The following HNRNPA1L2 variants were observed in gnomAD, a reference collection of about 807,000 sequenced individuals.
HNRNPA1L2 encodes the protein heterogeneous nuclear ribonucleoprotein A1 like 2.
HNRNPA1L2 carries 10 observed loss-of-function variants against 18.2 expected under a neutral mutation model. That is an observed-to-expected ratio of 0.55 (90% CI 0.34 to 0.93). HNRNPA1L2 has a LOEUF of 0.93. HNRNPA1L2 is among the 40% of genes least tolerant of loss of function. HNRNPA1L2 has a pLI of 0.02. For missense variants in HNRNPA1L2, 308 were observed against 394.4 expected (o/e 0.78, Z 1.85); for synonymous variants, 124 against 138.6 (o/e 0.89, Z 0.74).
chr13:52,631,885 ATGAT>A, the HNRNPA1L2 span, among the ~76,000 whole-genome samples: 4 of 152,234 alleles, frequency 2.6e-5, no homozygotes, highest in Non-Finnish European at 4.4e-5. Flanking sequence ...ATTTTACAGA[ATGAT>A]TGCTTTATGA....
the HNRNPA1L2 span, among the ~76,000 whole-genome samples, chr13:52,629,571 A>G: frequency 6.6e-6 from 1 of 152,202 alleles, no homozygotes; most frequent in Non-Finnish European, 1.5e-5. Context: ...TATACCTTAA[A>G]TCAAAATAGG....
At chr13:52,641,867 A>T (rs1961668205), upstream of HNRNPA1L2, 1 of 152,156 alleles carries the variant, frequency 6.6e-6, no homozygotes, top group Non-Finnish European at 1.5e-5. Context: ...TTATTAAATA[A>T]TACAAAACAA....
At position 52,642,817 on chromosome 13, in the gene HNRNPA1L2, G is replaced by A. The variant is rs185858801; in HGVS notation, c.325G>A (p.Val109Ile). 3.1e-4 allele frequency: 488 copies of A among 1,596,254 alleles called. 4 individuals carry two copies. In the African/African-American group the frequency reaches 5.4e-3, roughly 18 times the overall value. ...GAHLTVKKIF[V>I]GGIKEDTEEH... ...CCACTTAACTGTGAAAAAGATATTT[G>A]TTGGTGGCATTAAAGAAGACACTGA... Residue 109 changes from valine (V) to isoleucine (I), a missense_variant, in exon 1 of 1, where the codon GTT becomes ATT. Physicochemically the swap from Val to Ile is conservative, Grantham distance 29 (BLOSUM62 3). Transcript: ENST00000357495.
At chr13:52,631,044 T>C in the HNRNPA1L2 span, among the ~76,000 whole-genome samples, 1 of 152,164 alleles carries the variant, frequency 6.6e-6, no homozygotes, top group African/African-American at 2.4e-5. Context: ...GTGCCTTCAG[T>C]GTGTTAAAAA....
At chr13:52,617,604 G>A in the HNRNPA1L2 span, 1 of 471,796 alleles carries the variant, frequency 2.1e-6, no homozygotes. Flanking sequence ...ACCCTTTCCT[G>A]CCACCCTTTG....
rs1206426202 is a variant in HNRNPA1L2 at position 52,643,408 on chromosome 13, G to A, written c.916G>A (p.Gly306Ser). The A allele has an allele frequency of 6.3e-7, 1 of 1,598,676 alleles. No individual in the cohort carries two copies. The highest frequency in any genetic ancestry group is 1.7e-5 in the Admixed American group (1 of 60,024). The change falls in exon 1 of 1, where the codon GGC becomes AGC. Residue 306 changes from glycine to serine, a missense_variant. Physicochemically the swap from Gly to Ser is moderately conservative, Grantham distance 56. Transcript: ENST00000357495. ...AAAACCACAAAACCAAGGTGGCTAT[G>A]GCGTTTCCAGCAGCAGCAGTAGCTA... is the stretch of plus-strand genomic sequence containing the variant. Reference protein sequence around the residue: ...FAKPQNQGGYGVSSSSSSYGS... With the variant: ...FAKPQNQGGYSVSSSSSSYGS...
the HNRNPA1L2 span, among the ~76,000 whole-genome samples, chr13:52,636,219 A>G: frequency 6.6e-6 from 1 of 152,208 alleles, no homozygotes; most frequent in African/African-American, 2.4e-5. Flanking sequence ...GGCTATTACA[A>G]AGAAAGCTGC....
chr13:52,625,079 AG>A, the HNRNPA1L2 span, among the ~76,000 whole-genome samples: 13 of 152,090 alleles, frequency 8.5e-5, no homozygotes, highest in African/African-American at 3.1e-4. Context: ...TTCATGAAAT[AG>A]TTTTAATTAC....
chr13:52,635,159 ATGTGGT>A, the HNRNPA1L2 span, among the ~76,000 whole-genome samples: 2 of 152,220 alleles, frequency 1.3e-5, no homozygotes, highest in Admixed American at 1.3e-4. Context: ...GCCAGTCAGT[ATGTGGT>A]TAGACACATC....
chr13:52,637,352 A>C, the HNRNPA1L2 span: 1 of 226,628 alleles, frequency 4.4e-6, no homozygotes, highest in South Asian at 7.7e-5. Flanking sequence ...GCAGTTAGCC[A>C]CAGAATATGA....
chr13:52,619,992 A>G, the HNRNPA1L2 span, among the ~76,000 whole-genome samples: 2 of 151,312 alleles, frequency 1.3e-5, no homozygotes, highest in Non-Finnish European at 1.5e-5. Flanking sequence ...ATATTATGAG[A>G]GTCCTGTGTA....
the HNRNPA1L2 span, among the ~76,000 whole-genome samples, chr13:52,630,316 G>T: frequency 1.3e-5 from 2 of 151,998 alleles, no homozygotes; most frequent in South Asian, 2.1e-4. Context: ...TCACTCTGTC[G>T]CCCAGGCTGG....
upstream of HNRNPA1L2, chr13:52,641,768 T>C (rs573571953): frequency 6.6e-6 from 1 of 152,338 alleles, no homozygotes; most frequent in South Asian, 2.1e-4. Flanking sequence ...ACCAGCCTTA[T>C]GATCAAATTC....
At chr13:52,628,661 TTGAAA>T in the HNRNPA1L2 span, among the ~76,000 whole-genome samples, 1 of 152,208 alleles carries the variant, frequency 6.6e-6, no homozygotes, top group African/African-American at 2.4e-5. Flanking sequence ...ACTTTTATGT[TTGAAA>T]TGAATATTTC....
the HNRNPA1L2 span, chr13:52,617,577 C>A: frequency 5.1e-5 from 23 of 452,036 alleles, no homozygotes; most frequent in Non-Finnish European, 8.5e-5. Context: ...AGAGTCTCGG[C>A]GTTTCTACCT....
rs1320989906 is a variant in HNRNPA1L2, at chr13:52,642,768, A to G, written c.276A>G (p.Arg92=). Residue 92 remains arginine, a synonymous_variant, in exon 1 of 1, where the codon AGA becomes AGG. Transcript: ENST00000357495. ...RVVEPKRAVS[R]EDSQRPGAHL... ...TGGAACCAAAGAGAGCTGTCTCCAG[A>G]GAAGATTCTCAAAGACCAGGTGCCC... 4.4e-6 allele frequency: 7 copies of G among 1,598,210 alleles called. No individual in the cohort carries two copies. Among genetic ancestry groups the G allele is most frequent in the African/African-American group, 1.3e-5 (1 of 74,872 alleles).
chr13:52,630,480 G>A, the HNRNPA1L2 span, among the ~76,000 whole-genome samples: 1 of 151,994 alleles, frequency 6.6e-6, no homozygotes, highest in Non-Finnish European at 1.5e-5. Flanking sequence ...TCACCATGTT[G>A]GCCAGGCTGG....
chr13:52,625,193 C>A, the HNRNPA1L2 span, among the ~76,000 whole-genome samples: 1 of 151,408 alleles, frequency 6.6e-6, no homozygotes, highest in Admixed American at 6.6e-5. Context: ...CGGCTTACTG[C>A]AACCTCCGCC....
At chr13:52,630,589 G>C in the HNRNPA1L2 span, among the ~76,000 whole-genome samples, 1 of 152,216 alleles carries the variant, frequency 6.6e-6, no homozygotes, top group East Asian at 1.9e-4. Flanking sequence ...CTTTATAGCA[G>C]GATATGCTCA....
Sources: gnomAD v4.1 joint callset for allele counts (sites outside exome capture counted in the v4.1 genomes callset) on GRCh38, gnomAD v4.1.1 for gene constraint, MANE v1.5 for transcripts, NCBI Gene and HGNC (gene_info 2026-07-23, HGNC 2026-07-21) for gene names.